Variants in NPFFR1 observed in about 807,000 individuals in gnomAD.
NPFFR1 encodes the protein G-protein coupled receptor 147.
A neutral mutation model predicts 12.7 loss-of-function variants in NPFFR1; 17 were observed. That is an observed-to-expected ratio of 1.34 (90% CI 0.92 to 2.01). The LOEUF (loss-of-function observed/expected upper bound fraction) is 2.01. Ranked by LOEUF, NPFFR1 falls within the 30% of genes most tolerant of loss-of-function variation. The pLI is 0.00. For synonymous variants in NPFFR1, 296 were observed against 264.5 expected, an observed-to-expected ratio of 1.12 and a Z score of -1.16; for missense variants, 604 against 606.5, an observed-to-expected ratio of 1.00 and a Z score of 0.04.
Position 70,255,617 on chromosome 10 carries a change from G to T in NPFFR1, c.633C>A (p.Gly211=), listed in dbSNP as rs1021052885. 5.1e-6 allele frequency: 8 copies of T among 1,570,776 alleles called. No homozygotes were observed. Among genetic ancestry groups the T allele is most frequent in the Non-Finnish European group, 6.9e-6 (8 of 1,158,270 alleles). Residue 211 remains glycine, a synonymous_variant, in exon 4 of 4, where the codon GGC becomes GGA. Transcript: ENST00000277942. The surrounding 1 kb of genome is among the most constrained non-coding windows in gnomAD (Gnocchi z 4.2). ...YSCWEAWPEK[G]MRRVYTTVLF... is the part of the protein sequence containing the mutation. ...GCACAGTGGTGTAGACCCTGCGCATGCCCTTCTCGGGCCAGGCCTCCCAGC... is the reference window on the plus strand; with the variant it reads ...GCACAGTGGTGTAGACCCTGCGCATTCCCTTCTCGGGCCAGGCCTCCCAGC...
rs925942099 is a variant in NPFFR1 at position 70,247,657 on chromosome 10, A to G, written c.*7300T>C. Reference sequence around the variant, plus strand: ...GAGTGATTTAACACCACCACTGGCTATGTGACAGATAAACTAATTTGCCCA... The same window carrying G: ...GAGTGATTTAACACCACCACTGGCTGTGTGACAGATAAACTAATTTGCCCA... On this transcript the variant is annotated 3_prime_UTR_variant, in exon 4 of 4. Coordinates refer to ENST00000277942, the MANE Select transcript of NPFFR1 (RefSeq NM_022146.5). 6.6e-6 allele frequency: 1 copy of G among 152,226 alleles called. No homozygotes were observed. The highest frequency in any genetic ancestry group is 1.5e-5 in the Non-Finnish European group (1 of 68,036). The allele number at this position is 152,226 out of a possible 1,614,324, so 9.4% of individuals were successfully genotyped here.
chr10:70,264,304 G>A (rs1840665619), intron 2 of NPFFR1, among the ~76,000 whole-genome samples: 1 of 146,298 alleles, frequency 6.8e-6, no homozygotes, highest in Admixed American at 7.0e-5. Flanking sequence ...AACCTGGGAG[G>A]CGGAGGTTGC....
intron 1 of NPFFR1, among the ~76,000 whole-genome samples, chr10:70,271,227 C>T (rs2136804607): frequency 6.6e-6 from 1 of 152,262 alleles, no homozygotes; most frequent in Non-Finnish European, 1.5e-5. Flanking sequence ...AAAATAGAAA[C>T]AGAGGCCAGG....
At chr10:70,277,627 C>T (rs1453193364) in intron 1 of NPFFR1, among the ~76,000 whole-genome samples, 2 of 152,222 alleles carry the variant, frequency 1.3e-5, no homozygotes, top group African/African-American at 4.8e-5. Flanking sequence ...ATAGCTGTGC[C>T]CACTTCCAGC....
Position 70,255,827 on chromosome 10 carries a change from C to CCTG in NPFFR1, c.423-3_423-1dup (p.Glu140_Arg141insSer). The stretch of plus-strand genomic sequence containing the variant: ...GGAAAGGGTGCACGATGCAGCGGAA[C>CCTG]CTGCCGCGGGGAGAGAGACAGGCGG... On this transcript the variant is annotated inframe_insertion and splice_region_variant. Coordinates refer to ENST00000277942, the MANE Select transcript of NPFFR1 (RefSeq NM_022146.5). The surrounding 1 kb of genome is among the most constrained non-coding windows in gnomAD (Gnocchi z 4.2). 6.2e-7 allele frequency: 1 copy of CCTG among 1,604,354 alleles called. No homozygotes were observed. The highest frequency in any genetic ancestry group is 8.5e-7 in the Non-Finnish European group (1 of 1,175,398).
intron 1 of NPFFR1, among the ~76,000 whole-genome samples, chr10:70,278,943 T>C (rs2046123926): frequency 6.6e-6 from 1 of 152,232 alleles, no homozygotes; most frequent in South Asian, 2.1e-4. Context: ...TATATTTTTT[T>C]AGATTTAAAA....
rs537434038 is a variant in NPFFR1, at chr10:70,267,334, A to G, written c.8-943T>C. Among the ~76,000 whole-genome samples the G allele has an allele frequency of 5.9e-5, 9 of 152,316 alleles. No individual in the cohort carries two copies. The East Asian group carries it at 1.5e-3, about 26-fold the overall frequency. ...CTGTTCTGCCTGCATAGCATTTAAC[A>G]TAACACTTCCACATCTATTATTTTA... On this transcript the variant is annotated intron_variant, in intron 1 of 3. Transcript: ENST00000277942.
intron 3 of NPFFR1, among the ~76,000 whole-genome samples, chr10:70,256,709 C>G (rs528770546): frequency 6.6e-6 from 1 of 152,254 alleles, no homozygotes; most frequent in South Asian, 2.1e-4. Context: ...TGTTGATTTA[C>G]AGACAAGGAA....
intron 3 of NPFFR1, among the ~76,000 whole-genome samples, chr10:70,257,333 C>T (rs928520502): frequency 3.9e-5 from 6 of 152,358 alleles, no homozygotes; most frequent in African/African-American, 1.4e-4. Flanking sequence ...GCCCCAGCCA[C>T]TTTGCCCCAG....
intron 1 of NPFFR1, among the ~76,000 whole-genome samples, chr10:70,279,335 T>TG (rs1589916950): frequency 6.6e-6 from 1 of 152,124 alleles, no homozygotes; most frequent in East Asian, 1.9e-4. Context: ...TCAGTAGGAA[T>TG]GGGGGTTCAC....
Position 70,249,855 on chromosome 10 carries a change from A to G in NPFFR1, c.*5102T>C, listed in dbSNP as rs1840492273. On this transcript the variant is annotated 3_prime_UTR_variant, in exon 4 of 4. Coordinates refer to ENST00000277942, the MANE Select transcript of NPFFR1 (RefSeq NM_022146.5). The stretch of plus-strand genomic sequence containing the variant: ...GATATAAGAATGCAGTAAGCACACA[A>G]AAAGATGCCCAGCATCACTAGTCAT... 1 of 152,220 alleles carries G rather than the reference A, an allele frequency of 6.6e-6. No homozygotes were observed. Among genetic ancestry groups the G allele is most frequent in the Admixed American group, 6.5e-5 (1 of 15,278 alleles). 9.4% of individuals were successfully genotyped at this position (152,220 alleles called of 1,614,324 possible). A position where few individuals can be genotyped will look rare whatever the true frequency, so the allele number is the denominator to read the frequency against.
intron 3 of NPFFR1, among the ~76,000 whole-genome samples, chr10:70,260,202 G>A (rs370727713): frequency 6.6e-6 from 1 of 152,174 alleles, no homozygotes; most frequent in South Asian, 2.1e-4. Flanking sequence ...CTGGGCTGCC[G>A]GGAACCAGCA....
Position 70,251,308 on chromosome 10 carries a change from GCTCTCATCTTC to G in NPFFR1, c.*3638_*3648del, listed in dbSNP as rs1840508507. 6.6e-6 allele frequency: 1 copy of G among 152,414 alleles called. No homozygotes were observed. The highest frequency in any genetic ancestry group is 2.1e-4 in the South Asian group (1 of 4,832). 9.4% of individuals were successfully genotyped at this position (152,414 alleles called of 1,614,324 possible). A position where few individuals can be genotyped will look rare whatever the true frequency, so the allele number is the denominator to read the frequency against. On this transcript the variant is annotated 3_prime_UTR_variant, in exon 4 of 4. Coordinates refer to ENST00000277942, the MANE Select transcript of NPFFR1 (RefSeq NM_022146.5). ...TACACAGTAGACTAATGATAGGGGGGCTCTCATCTTCCTTTGCCAACTTCGCCCTCCATTCC... is the reference window on the plus strand; with the variant it reads ...TACACAGTAGACTAATGATAGGGGGGCTTTGCCAACTTCGCCCTCCATTCC...
chr10:70,260,311 C>G (rs1048999532), intron 3 of NPFFR1, among the ~76,000 whole-genome samples: 1 of 152,194 alleles, frequency 6.6e-6, no homozygotes, highest in African/African-American at 2.4e-5. Context: ...TCTGGCTCAC[C>G]TGGCTCAGAC....
chr10:70,256,376 G>A (rs943905781), intron 3 of NPFFR1, among the ~76,000 whole-genome samples: 46 of 152,346 alleles, frequency 3.0e-4, no homozygotes, highest in Middle Eastern at 6.8e-3. Flanking sequence ...GCCTCCTTGC[G>A]GGGCCATTTG....
In NPFFR1 at chr10:70,249,657, G is replaced by C. The variant is rs1409875900; in HGVS notation, c.*5300C>G. ...ATCACCACACCTGGCTAATTTTTGT[G>C]TTTTTGGTAGAGATGGGGTTTCATC... is the stretch of plus-strand genomic sequence containing the variant. On this transcript the variant is annotated 3_prime_UTR_variant, in exon 4 of 4. Transcript: ENST00000277942. 6.6e-6 allele frequency: 1 copy of C among 151,410 alleles called. No individual in the cohort carries two copies. Among genetic ancestry groups the C allele is most frequent in the Non-Finnish European group, 1.5e-5 (1 of 67,900 alleles). The allele number at this position is 151,410 out of a possible 1,614,324, so 9.4% of individuals were successfully genotyped here. A position where few individuals can be genotyped will look rare whatever the true frequency, so the allele number is the denominator to read the frequency against.
rs374621720 is a variant in NPFFR1, at chr10:70,274,736, T to C, written c.8-8345A>G. Among the ~76,000 whole-genome samples, 12 of 152,294 alleles carry C rather than the reference T, an allele frequency of 7.9e-5. 1 individual carries two copies. In the East Asian group the frequency reaches 2.1e-3, roughly 27 times the overall value. On this transcript the variant is annotated intron_variant, in intron 1 of 3. Coordinates refer to ENST00000277942, the MANE Select transcript of NPFFR1 (RefSeq NM_022146.5). ...CCAACCTCATGGAGTTGTTAATACATTCAGAGAGACAGCAGAGTAAATTAC... is the reference window on the plus strand; with the variant it reads ...CCAACCTCATGGAGTTGTTAATACACTCAGAGAGACAGCAGAGTAAATTAC...
intron 3 of NPFFR1, among the ~76,000 whole-genome samples, chr10:70,258,100 G>A (rs184794335): frequency 3.3e-5 from 5 of 152,116 alleles, no homozygotes; most frequent in South Asian, 4.1e-4. Flanking sequence ...GCAGAGCACC[G>A]GTCACCTGGG....
At chr10:70,260,960 C>T (rs1840627580) in intron 2 of NPFFR1, among the ~76,000 whole-genome samples, 1 of 152,096 alleles carries the variant, frequency 6.6e-6, no homozygotes, top group Non-Finnish European at 1.5e-5. Context: ...TTATACAGTG[C>T]ATTGGTTCTA....
Sources: allele counts gnomAD v4.1 joint callset (sites outside exome capture counted in the v4.1 genomes callset), GRCh38; gene constraint gnomAD v4.1.1; non-coding constraint Gnocchi (gnomAD v3.1); transcripts MANE v1.5; gene names NCBI Gene and HGNC (gene_info 2026-07-23, HGNC 2026-07-21).